The following IFI16 variants were observed in gnomAD, a reference collection of about 807,000 sequenced individuals.
IFI16 encodes the protein gamma-interferon-inducible protein 16.
IFI16 carries 49 observed loss-of-function variants against 68.4 expected under a neutral mutation model. The ratio of observed to expected loss-of-function variants is 0.72; its 90% CI spans 0.57 to 0.91. IFI16 has a LOEUF of 0.91. IFI16 is among the 40% of genes least tolerant of loss of function. The pLI, the probability that IFI16 is intolerant of heterozygous loss-of-function variation, is 0.00. For missense variants in IFI16, 878 were observed against 942.9 expected (o/e 0.93, Z 0.90); for synonymous variants, 307 against 315.0 (o/e 0.97, Z 0.27).
chr1:159,021,958 T>TAGCCC (rs1653349639), intron 6 of IFI16, among the ~76,000 whole-genome samples: 1 of 19,040 alleles, frequency 5.3e-5, no homozygotes, highest in Non-Finnish European at 8.5e-5. Flanking sequence ...TTTTTTTTTT[T>TAGCCC]TTTTTTTTTT....
chr1:159,044,659 T>C (rs1654871630), intron 7 of IFI16, among the ~76,000 whole-genome samples: 1 of 152,168 alleles, frequency 6.6e-6, no homozygotes, highest in Non-Finnish European at 1.5e-5. Flanking sequence ...TATTCCCCAA[T>C]TTTACTTGAA....
chr1:159,039,081 A>G (rs977086455), intron 7 of IFI16, among the ~76,000 whole-genome samples: 1 of 152,210 alleles, frequency 6.6e-6, no homozygotes, highest in African/African-American at 2.4e-5. Context: ...TTTAACAAAA[A>G]TAACCTCAAT....
At position 159,049,315 on chromosome 1, in the gene IFI16, CAG is replaced by C. The variant is rs1170388257; in HGVS notation, c.1498-113_1498-112del. On this transcript the variant is annotated intron_variant, in intron 8 of 11. Coordinates refer to ENST00000295809, the MANE Select transcript of IFI16 (RefSeq NM_001376587.1). ...ATTCCTCCTGCAACTCAGGGAAAAACAGAGAAACTGGCAAAGTGAACATCCTA... is the reference window on the plus strand; with the variant it reads ...ATTCCTCCTGCAACTCAGGGAAAAACAGAAACTGGCAAAGTGAACATCCTA... The C allele has an allele frequency of 6.7e-6, 4 of 593,394 alleles. No individual in the cohort carries two copies. The African/African-American group carries it at 8.3e-5, about 12-fold the overall frequency. The allele number at this position is 593,394 out of a possible 1,614,324, so 36.8% of individuals were successfully genotyped here.
upstream of IFI16, among the ~76,000 whole-genome samples, chr1:159,006,669 G>A (rs1381470294): frequency 6.6e-6 from 1 of 152,114 alleles, no homozygotes; most frequent in Non-Finnish European, 1.5e-5. Context: ...AGCAAGGCTG[G>A]GTGATTAAAG....
intron 7 of IFI16, among the ~76,000 whole-genome samples, chr1:159,045,002 AGTTGT>A (rs1654890069): frequency 3.3e-5 from 5 of 152,138 alleles, no homozygotes; most frequent in Admixed American, 3.3e-4. Context: ...TAGCCCTAAG[AGTTGT>A]ACCTGACCAA....
chr1:159,054,205 C>T (rs1655541623), intron 11 of IFI16, among the ~76,000 whole-genome samples: 1 of 152,186 alleles, frequency 6.6e-6, no homozygotes, highest in Admixed American at 6.5e-5. Context: ...AAGGTACCTG[C>T]CTTTAGTGAG....
intron 4 of IFI16, 133 bp downstream of exon 4, chr1:159,016,833 TTTGATCTTTTGCTTTCACAGGGATACTTG>T: frequency 1.3e-6 from 1 of 788,086 alleles, no homozygotes; most frequent in Non-Finnish European, 2.1e-6. Flanking sequence ...ACCACTACAT[TTTGATCTTTTGCTTTCACAGGGATACTTG>T]ATGAACTTGA....
Position 159,051,831 on chromosome 1 carries a change from T to A in IFI16, c.1818T>A (p.Thr606=). ...QKKMFHATVA[T]ENEVFRVKVF... ...AAATGTTTCATGCCACAGTGGCAAC[T>A]GAGAATGAAGTCTTCCGAGTGAAGG... Residue 606 remains threonine (T), a synonymous_variant, in exon 10 of 12, where the codon ACT becomes ACA. Transcript: ENST00000295809. 1 of 1,614,150 alleles carries A rather than the reference T, an allele frequency of 6.2e-7. No individual in the cohort carries two copies. The highest frequency in any genetic ancestry group is 8.5e-7 in the Non-Finnish European group (1 of 1,179,984).
rs148871600 is a variant in IFI16 at position 159,049,665 on chromosome 1, G to T, written c.1665+66G>T. 3.0e-3 allele frequency: 4,720 copies of T among 1,593,418 alleles called. 14 individuals carry two copies. Among genetic ancestry groups the T allele is most frequent in the Non-Finnish European group, 3.3e-3 (3,843 of 1,167,716 alleles). On this transcript the variant is annotated intron_variant, in intron 9 of 11. Transcript: ENST00000295809. ...TATAATGACAAGGATTAACACAACCGTGAAAGCACCTCACCAATCCCCTAC... is the reference window on the plus strand; with the variant it reads ...TATAATGACAAGGATTAACACAACCTTGAAAGCACCTCACCAATCCCCTAC...
At chr1:159,050,720 G>C (rs1181065827) in intron 9 of IFI16, among the ~76,000 whole-genome samples, 1 of 152,000 alleles carries the variant, frequency 6.6e-6, no homozygotes, top group Non-Finnish European at 1.5e-5. Flanking sequence ...CTCAGAAACA[G>C]TGCAGGCCAC....
chr1:159,023,069 A>AT (rs1653435760), intron 6 of IFI16, among the ~76,000 whole-genome samples: 1 of 152,228 alleles, frequency 6.6e-6, no homozygotes, highest in South Asian at 2.1e-4. Flanking sequence ...GCCTACAAGA[A>AT]TAAGTACACC....
At chr1:159,029,679 GTT>G (rs61339753) in intron 6 of IFI16, among the ~76,000 whole-genome samples, 82,485 of 130,938 alleles carry the variant, frequency 0.63, 27,937 homozygotes, top group Admixed American at 0.78. Flanking sequence ...GCTTTGTTCA[GTT>G]TTTTTTTTTT....
chr1:159,048,509 A>G (rs1255373553), intron 8 of IFI16, among the ~76,000 whole-genome samples: 2 of 151,358 alleles, frequency 1.3e-5, no homozygotes, highest in African/African-American at 2.4e-5. Flanking sequence ...ATGTTAAACA[A>G]TTTTGAAAAT....
At chr1:159,006,423 G>A (rs938032038), upstream of IFI16, among the ~76,000 whole-genome samples, 2 of 152,138 alleles carry the variant, frequency 1.3e-5, no homozygotes, top group African/African-American at 2.4e-5. Context: ...TGCCGGACAC[G>A]AACTCAAGGT....
At chr1:159,017,143 T>C (rs930667283) in intron 4 of IFI16, among the ~76,000 whole-genome samples, 2 of 152,214 alleles carry the variant, frequency 1.3e-5, no homozygotes, top group African/African-American at 4.8e-5. Flanking sequence ...TTAAGGAGAC[T>C]GGGATGTTAA....
At chr1:159,050,682 C>A (rs1655298195) in intron 9 of IFI16, among the ~76,000 whole-genome samples, 1 of 152,050 alleles carries the variant, frequency 6.6e-6, no homozygotes, top group Non-Finnish European at 1.5e-5. Flanking sequence ...GATCAGCAGC[C>A]CCTCCAAGTC....
chr1:159,055,068 G>T lies in IFI16; in HGVS notation c.*167G>T. The T allele has an allele frequency of 5.0e-6, 2 of 396,608 alleles. No individual in the cohort carries two copies. Among genetic ancestry groups the T allele is most frequent in the Non-Finnish European group, 9.2e-6 (2 of 217,044 alleles). 24.6% of individuals were successfully genotyped at this position (396,608 alleles called of 1,614,324 possible). On this transcript the variant is annotated 3_prime_UTR_variant, in exon 12 of 12. Coordinates refer to ENST00000295809, the MANE Select transcript of IFI16 (RefSeq NM_001376587.1). ...GGGAGTGCTTTTTTAATTTTTCATA[G>T]TTTTTTTTTAATAAAATGGCATATT...
intron 6 of IFI16, among the ~76,000 whole-genome samples, chr1:159,027,477 T>C (rs1653742936): frequency 1.3e-5 from 2 of 152,200 alleles, no homozygotes; most frequent in South Asian, 4.1e-4. Context: ...GATATTGGTC[T>C]GTAGTTTTTT....
chr1:159,043,781 A>C (rs1465186192), intron 7 of IFI16, among the ~76,000 whole-genome samples: 2 of 152,362 alleles, frequency 1.3e-5, no homozygotes, highest in African/African-American at 4.8e-5. Flanking sequence ...TTGCACTTTT[A>C]AAATATTATT....
Sources: gnomAD v4.1 joint callset for allele counts (sites outside exome capture counted in the v4.1 genomes callset) on GRCh38, gnomAD v4.1.1 for gene constraint, MANE v1.5 for transcripts, NCBI Gene and HGNC (gene_info 2026-07-23, HGNC 2026-07-21) for gene names.